The following CCDC178 variants were observed in gnomAD, a reference collection of about 807,000 sequenced individuals.
CCDC178 encodes the protein coiled-coil domain containing 178, also known as coiled-coil domain-containing protein 178.
Under a neutral mutation model 117.4 loss-of-function variants are expected in CCDC178, and 126 were observed. The observed-to-expected ratio is 1.07, with a 90% CI of 0.93 to 1.24. The LOEUF (loss-of-function observed/expected upper bound fraction) is 1.24, where lower values mean the gene tolerates loss of function less well. CCDC178 is among the 50% of genes most tolerant of loss of function. The pLI is 0.00. For synonymous variants in CCDC178, 283 were observed against 313.4 expected (o/e 0.90, Z 1.02); for missense variants, 1,030 against 986.9 (o/e 1.04, Z -0.59).
Position 33,224,828 on chromosome 18 carries a change from G to A in CCDC178, c.1765C>T (p.Gln589Ter). The A allele has an allele frequency of 3.8e-6, 6 of 1,567,728 alleles. No individual in the cohort carries two copies. Among genetic ancestry groups the A allele is most frequent in the Non-Finnish European group, 5.2e-6 (6 of 1,155,234 alleles). Residue 589 changes from glutamine to a stop codon, truncating the protein, a stop_gained, in exon 17 of 23, where the codon CAA becomes TAA. Coordinates refer to ENST00000383096, the MANE Select transcript of CCDC178 (RefSeq NM_001105528.4). LOFTEE classifies it high-confidence loss of function. ...ATTCTTTCAGCTTCATCTTCTAGTT[G>A]AAGCAGAGGTTCCTGTAGTTCTGCC... Reference protein sequence around the residue: ...SLAELQEPLLQLEDEAERIRS... With the variant: ...SLAELQEPLL
intron 22 of CCDC178, 63 bp downstream of exon 22, chr18:32,974,484 A>G: frequency 6.9e-7 from 1 of 1,454,746 alleles, no homozygotes; most frequent in Non-Finnish European, 9.6e-7. Context: ...TCATCACACT[A>G]CCCATCATTT....
chr18:33,131,154 A>G (rs2058065357), intron 20 of CCDC178, among the ~76,000 whole-genome samples: 1 of 151,970 alleles, frequency 6.6e-6, no homozygotes, highest in African/African-American at 2.4e-5. Context: ...TAATGATAGA[A>G]TTCATGATGA....
At chr18:32,996,667 C>T (rs561837786) in intron 21 of CCDC178, among the ~76,000 whole-genome samples, 1 of 151,758 alleles carries the variant, frequency 6.6e-6, no homozygotes, top group African/African-American at 2.4e-5. Context: ...CCATAGGAAA[C>T]AGAAAATCCA....
At position 33,025,488 on chromosome 18, in the gene CCDC178, A is replaced by G. The variant is rs1226393932; in HGVS notation, c.2389-50807T>C. Among the ~76,000 whole-genome samples the G allele has an allele frequency of 3.9e-5, 6 of 152,170 alleles. No homozygotes were observed. The East Asian group carries it at 1.2e-3, about 29-fold the overall frequency. ...TACAGAATGAGAGAAAATATTTGTAAGTCACTCACCTGAAAAAAAGACTAG... is the reference window on the plus strand; with the variant it reads ...TACAGAATGAGAGAAAATATTTGTAGGTCACTCACCTGAAAAAAAGACTAG... On this transcript the variant is annotated intron_variant, in intron 21 of 22. Coordinates refer to ENST00000383096, the MANE Select transcript of CCDC178 (RefSeq NM_001105528.4).
intron 20 of CCDC178, among the ~76,000 whole-genome samples, chr18:33,116,600 T>C (rs371092662): frequency 6.6e-6 from 1 of 152,084 alleles, no homozygotes; most frequent in Middle Eastern, 3.2e-3. Context: ...GTCCGTCAGA[T>C]TGCTGGCAGG....
At chr18:32,991,233 T>C (rs150169636) in intron 21 of CCDC178, among the ~76,000 whole-genome samples, 217 of 152,286 alleles carry the variant, frequency 1.4e-3, no homozygotes, top group African/African-American at 5.0e-3. Flanking sequence ...TCATATCCTA[T>C]CCTTTTAATC....
intron 21 of CCDC178, among the ~76,000 whole-genome samples, chr18:33,045,146 T>C (rs1015542048): frequency 6.6e-6 from 1 of 152,014 alleles, no homozygotes; most frequent in African/African-American, 2.4e-5. Flanking sequence ...AAATCCACAC[T>C]TGTACCCCTA....
chr18:33,142,306 AG>A (rs1280772400), intron 20 of CCDC178, among the ~76,000 whole-genome samples: 3 of 152,230 alleles, frequency 2.0e-5, no homozygotes, highest in Non-Finnish European at 4.4e-5. Context: ...AGTTGTGCCA[AG>A]GATGAGGGAT....
At chr18:33,040,417 C>A (rs1035006219) in intron 21 of CCDC178, among the ~76,000 whole-genome samples, 1 of 151,668 alleles carries the variant, frequency 6.6e-6, no homozygotes, top group East Asian at 1.9e-4. Context: ...CTATTAAAAA[C>A]CAAATCAATG....
At chr18:33,127,131 T>C (rs1403812729) in intron 20 of CCDC178, among the ~76,000 whole-genome samples, 1 of 151,858 alleles carries the variant, frequency 6.6e-6, no homozygotes, top group African/African-American at 2.4e-5. Flanking sequence ...ACTAAAGTTT[T>C]TATTTTTTAG....
At chr18:33,353,834 C>T (rs2063012997) in intron 7 of CCDC178, among the ~76,000 whole-genome samples, 1 of 152,000 alleles carries the variant, frequency 6.6e-6, no homozygotes, top group Non-Finnish European at 1.5e-5. Flanking sequence ...AACAAAAATA[C>T]ACTTATACTG....
At chr18:33,148,207 C>T (rs1046487411) in intron 20 of CCDC178, among the ~76,000 whole-genome samples, 54 of 152,336 alleles carry the variant, frequency 3.5e-4, no homozygotes, top group Non-Finnish European at 5.7e-4. Flanking sequence ...AGATCACTCG[C>T]GGTTAGGAGC....
chr18:33,035,526 T>C (rs975992154), intron 21 of CCDC178, among the ~76,000 whole-genome samples: 3 of 151,846 alleles, frequency 2.0e-5, no homozygotes, highest in African/African-American at 7.3e-5. Flanking sequence ...AATAAACAAA[T>C]ATTGTAAGAT....
intron 6 of CCDC178, among the ~76,000 whole-genome samples, chr18:33,362,088 T>G (rs1264468909): frequency 2.0e-5 from 3 of 151,608 alleles, no homozygotes; most frequent in African/African-American, 7.3e-5. Context: ...AAAGAAAATG[T>G]AGGAGTGTGT....
intron 22 of CCDC178, among the ~76,000 whole-genome samples, chr18:32,966,245 A>G (rs2054811024): frequency 6.6e-6 from 1 of 151,668 alleles, no homozygotes; most frequent in African/African-American, 2.4e-5. Context: ...CTATATTCTA[A>G]AGTCTAAGTA....
intron 3 of CCDC178, among the ~76,000 whole-genome samples, chr18:33,404,986 G>A (rs895533296): frequency 6.6e-6 from 1 of 152,020 alleles, no homozygotes; most frequent in Non-Finnish European, 1.5e-5. Context: ...AATGCTAGTG[G>A]TACAGGGTTT....
intron 14 of CCDC178, among the ~76,000 whole-genome samples, chr18:33,255,005 C>T (rs144194716): frequency 2.0e-5 from 3 of 152,016 alleles, no homozygotes; most frequent in Admixed American, 6.6e-5. Flanking sequence ...GTGCTGTTCT[C>T]GCTATAGTGA....
At chr18:33,181,078 A>G (rs1008045224) in intron 20 of CCDC178, among the ~76,000 whole-genome samples, 1 of 152,128 alleles carries the variant, frequency 6.6e-6, no homozygotes, top group African/African-American at 2.4e-5. Flanking sequence ...GAGGAAAAAA[A>G]GTACAATTGA....
At chr18:32,940,937 A>G (rs995678673) in intron 22 of CCDC178, among the ~76,000 whole-genome samples, 1 of 151,982 alleles carries the variant, frequency 6.6e-6, no homozygotes, top group East Asian at 1.9e-4. Flanking sequence ...CTCTGGGGAG[A>G]CATAGGAGGT....
Sources: allele counts gnomAD v4.1 joint callset (sites outside exome capture counted in the v4.1 genomes callset), GRCh38; gene constraint gnomAD v4.1.1; transcripts MANE v1.5; gene names NCBI Gene and HGNC (gene_info 2026-07-23, HGNC 2026-07-21).